The following ARHGAP31 variants were observed in gnomAD, a reference collection of about 807,000 sequenced individuals.
ARHGAP31 encodes the protein rho GTPase-activating protein 31.
Under a neutral mutation model 113.9 loss-of-function variants are expected in ARHGAP31, and 34 were observed. The observed-to-expected ratio is 0.30, with a 90% CI of 0.23 to 0.40. The LOEUF (loss-of-function observed/expected upper bound fraction) is 0.40, where lower values mean the gene tolerates loss of function less well. Among genes scored for constraint, ARHGAP31 ranks in the 10% least tolerant of loss-of-function variants. The pLI, the probability that ARHGAP31 is intolerant of heterozygous loss-of-function variation, is 1.00. For missense variants in ARHGAP31, 1,548 were observed against 1,767.1 expected (o/e 0.88, Z 2.22); for synonymous variants, 650 against 684.8 (o/e 0.95, Z 0.79).
chr3:119,370,545 A>G (rs1391951238), intron 3 of ARHGAP31, among the ~76,000 whole-genome samples: 1 of 152,192 alleles, frequency 6.6e-6, no homozygotes, highest in Non-Finnish European at 1.5e-5. Context: ...TCGAACAGAT[A>G]TTAACTATAT....
intron 11 of ARHGAP31, 133 bp from the exon 12 acceptor site, chr3:119,413,723 A>G: frequency 8.3e-7 from 1 of 1,211,636 alleles, no homozygotes; most frequent in Non-Finnish European, 1.2e-6. Flanking sequence ...CACAGGTATT[A>G]TCGGTGCTGC....
At chr3:119,341,123 A>G (rs1054654440) in intron 1 of ARHGAP31, among the ~76,000 whole-genome samples, 1 of 152,194 alleles carries the variant, frequency 6.6e-6, no homozygotes, top group Admixed American at 6.5e-5. Context: ...GTTGGGAGTC[A>G]GGAGTCCCCA....
intron 3 of ARHGAP31, among the ~76,000 whole-genome samples, chr3:119,372,705 T>C (rs1310230028): frequency 6.6e-6 from 1 of 152,224 alleles, no homozygotes; most frequent in Non-Finnish European, 1.5e-5. Flanking sequence ...ATTGAGTGCT[T>C]ACTATATGAT....
chr3:119,299,098 G>T (rs1004822992), intron 1 of ARHGAP31: 1 of 152,220 alleles, frequency 6.6e-6, no homozygotes, highest in Admixed American at 6.5e-5. Context: ...ATTAAAAGGT[G>T]ATATTGCTTG....
Position 119,325,375 on chromosome 3 carries a change from G to A in ARHGAP31, c.100+30371G>A, listed in dbSNP as rs115225104. Among the ~76,000 whole-genome samples the A allele has an allele frequency of 8.1e-3, 1,238 of 152,252 alleles. 18 individuals carry two copies. The highest frequency in any genetic ancestry group is 0.028 in the African/African-American group (1,181 of 41,532). ...ATATCATCTCTGTTGATCTTCCCAA[G>A]ACGCTGTGACTCTACAGGCTGATTT... On this transcript the variant is annotated intron_variant, in intron 1 of 11. Coordinates refer to ENST00000264245, the MANE Select transcript of ARHGAP31 (RefSeq NM_020754.4).
At position 119,416,430 on chromosome 3, in the gene ARHGAP31, AG is replaced by A; in HGVS notation, c.*167del. On this transcript the variant is annotated 3_prime_UTR_variant, in exon 12 of 12. Coordinates refer to ENST00000264245, the MANE Select transcript of ARHGAP31 (RefSeq NM_020754.4). ...CCACTTATTAATTAGTCCATTTGCT[AG>A]AAGAGTGGTCAAGGGAAAAACGAGA... The A allele has an allele frequency of 1.0e-6, 1 of 977,376 alleles. No homozygotes were observed. The highest frequency in any genetic ancestry group is 1.5e-6 in the Non-Finnish European group (1 of 652,212). 60.5% of individuals were successfully genotyped at this position (977,376 alleles called of 1,614,324 possible). A position where few individuals can be genotyped will look rare whatever the true frequency, so the allele number is the denominator to read the frequency against.
intron 3 of ARHGAP31, among the ~76,000 whole-genome samples, chr3:119,374,903 A>G (rs1028766788): frequency 6.6e-6 from 1 of 152,212 alleles, no homozygotes; most frequent in African/African-American, 2.4e-5. Context: ...AGACAAACAC[A>G]CCATAATATA....
chr3:119,413,993 G>C lies in ARHGAP31; in HGVS notation c.2064G>C (p.Ser688=). 2 of 1,614,116 alleles carry C rather than the reference G, an allele frequency of 1.2e-6. No individual in the cohort carries two copies. The highest frequency in any genetic ancestry group is 1.7e-5 in the Admixed American group (1 of 60,006). ...GCCCAATTCAGCCTATTCTCGAGTC[G>C]AGTCTGGGGCCCTTTATTCCCTCAG... is the stretch of plus-strand genomic sequence containing the variant. The part of the protein sequence containing the change: ...KTSPIQPILE[S]SLGPFIPSEP... Residue 688 remains serine, a synonymous_variant, in exon 12 of 12, where the codon TCG becomes TCC. Coordinates refer to ENST00000264245, the MANE Select transcript of ARHGAP31 (RefSeq NM_020754.4).
At position 119,402,097 on chromosome 3, in the gene ARHGAP31, A is replaced by C; in HGVS notation, c.1345A>C (p.Lys449Gln). Reference sequence around the variant, plus strand: ...TCCGGAGAGCGAGCAAACAGCCCCAAAGATGTTGGGTATGTTCTACACTTC... The same window carrying C: ...TCCGGAGAGCGAGCAAACAGCCCCACAGATGTTGGGTATGTTCTACACTTC... Reference protein sequence around the residue: ...EDPESEQTAPKMLGMFYTSND... With the variant: ...EDPESEQTAPQMLGMFYTSND... The change falls in exon 10 of 12, where the codon AAG becomes CAG. Residue 449 changes from lysine (K) to glutamine (Q), a missense_variant. Lys to Gln is a moderately conservative substitution (Grantham distance 53). Transcript: ENST00000264245. The C allele has an allele frequency of 6.2e-7, 1 of 1,614,178 alleles. No individual in the cohort carries two copies. Among genetic ancestry groups the C allele is most frequent in the Non-Finnish European group, 8.5e-7 (1 of 1,180,022 alleles).
At chr3:119,297,629 A>G (rs541184608) in intron 1 of ARHGAP31, among the ~76,000 whole-genome samples, 1 of 152,342 alleles carries the variant, frequency 6.6e-6, no homozygotes, top group East Asian at 1.9e-4. Flanking sequence ...AGTGGAGGAC[A>G]AAGCGGGGTG....
intron 1 of ARHGAP31, among the ~76,000 whole-genome samples, chr3:119,358,342 GACA>G (rs1350834528): frequency 1.3e-5 from 2 of 152,158 alleles, no homozygotes; most frequent in African/African-American, 4.8e-5. Flanking sequence ...AAAAAAGATA[GACA>G]ACAAGTCTTG....
chr3:119,328,432 A>G (rs1220364885), intron 1 of ARHGAP31, among the ~76,000 whole-genome samples: 2 of 152,212 alleles, frequency 1.3e-5, no homozygotes, highest in Non-Finnish European at 2.9e-5. Context: ...ATCTGTGAAC[A>G]GTTCCAAATA....
chr3:119,296,843 T>C (rs1448340380), intron 1 of ARHGAP31, among the ~76,000 whole-genome samples: 2 of 151,942 alleles, frequency 1.3e-5, no homozygotes, highest in African/African-American at 4.8e-5. Flanking sequence ...CCCAGAGGGG[T>C]AAATTGGCCT....
intron 10 of ARHGAP31, among the ~76,000 whole-genome samples, chr3:119,404,608 A>C (rs2080644444): frequency 6.6e-6 from 1 of 152,224 alleles, no homozygotes. Flanking sequence ...GCAGGGGGCA[A>C]AAGAAAAAGA....
chr3:119,354,132 C>T (rs1435124005), intron 1 of ARHGAP31, among the ~76,000 whole-genome samples: 1 of 152,238 alleles, frequency 6.6e-6, no homozygotes, highest in Non-Finnish European at 1.5e-5. Context: ...GGGCTCCAGG[C>T]TGCCTTGCTC....
intron 1 of ARHGAP31, among the ~76,000 whole-genome samples, chr3:119,295,267 A>G (rs1314841271): frequency 6.6e-6 from 1 of 151,684 alleles, no homozygotes; most frequent in East Asian, 1.9e-4. Context: ...TACTGCCGCA[A>G]GTTTACCGGG....
In ARHGAP31 at chr3:119,401,170, C is replaced by CAA. The variant is rs11459615; in HGVS notation, c.1070-636_1070-635dup. ...TGGGCGACAGAGCTGTACTCCATCT[C>CAA]AAAAAAAAAAAAAAAAATTCACTCC... On this transcript the variant is annotated intron_variant, in intron 9 of 11. Coordinates refer to ENST00000264245, the MANE Select transcript of ARHGAP31 (RefSeq NM_020754.4). Among the ~76,000 whole-genome samples, 505 of 131,688 alleles carry CAA rather than the reference C, an allele frequency of 3.8e-3. 3 individuals are homozygous for CAA. Among genetic ancestry groups the CAA allele is most frequent in the South Asian group, 5.8e-3 (23 of 3,964 alleles). The allele number at this position is 131,688 out of a possible 152,430, so 86.4% of individuals were successfully genotyped here.
rs114508222 is a variant in ARHGAP31 at position 119,360,722 on chromosome 3, C to A, written c.101-4594C>A. ...AAGCATAAATCAAAGGCAAGATTTTCTTTTCCCTCAGAAACCTCTTCAAGT... is the reference window on the plus strand; with the variant it reads ...AAGCATAAATCAAAGGCAAGATTTTATTTTCCCTCAGAAACCTCTTCAAGT... On this transcript the variant is annotated intron_variant, in intron 1 of 11. Coordinates refer to ENST00000264245, the MANE Select transcript of ARHGAP31 (RefSeq NM_020754.4). Among the ~76,000 whole-genome samples the A allele has an allele frequency of 2.5e-3, 381 of 152,248 alleles. 4 individuals carry two copies. The highest frequency in any genetic ancestry group is 8.5e-3 in the African/African-American group (355 of 41,544).
intron 1 of ARHGAP31, among the ~76,000 whole-genome samples, chr3:119,319,198 T>C (rs547896936): frequency 3.9e-4 from 58 of 149,774 alleles, no homozygotes; most frequent in African/African-American, 1.3e-3. Flanking sequence ...TGCTATGAGA[T>C]AAAAGCACCT....
Sources: gnomAD v4.1 joint callset for allele counts (sites outside exome capture counted in the v4.1 genomes callset) on GRCh38, gnomAD v4.1.1 for gene constraint, MANE v1.5 for transcripts, NCBI Gene and HGNC (gene_info 2026-07-23, HGNC 2026-07-21) for gene names.